The following NRSN1 variants were observed in gnomAD, a reference collection of about 807,000 sequenced individuals.
NRSN1 encodes the protein neurensin-1.
A neutral mutation model predicts 17.3 loss-of-function variants in NRSN1; 14 were observed. That is an observed-to-expected ratio of 0.81 (90% CI 0.54 to 1.27). NRSN1 has a LOEUF of 1.27. Among genes scored for constraint, NRSN1 ranks in the 50% most tolerant of loss-of-function variants. The pLI is 0.00. For missense variants in NRSN1, 209 were observed against 235.9 expected (o/e 0.89, Z 0.75); for synonymous variants, 79 against 94.2 (o/e 0.84, Z 0.93).
intron 2 of NRSN1, chr6:24,129,508 T>C (rs1007129500): frequency 2.6e-5 from 4 of 152,188 alleles, no homozygotes; most frequent in Non-Finnish European, 5.9e-5. Context: ...TATCAGACCA[T>C]AAGTAAATAA....
chr6:24,128,973 G>A (rs905919924), intron 2 of NRSN1: 1 of 152,012 alleles, frequency 6.6e-6, no homozygotes, highest in Non-Finnish European at 1.5e-5. Flanking sequence ...AGTTTCATGA[G>A]GCATAAAGAT....
rs1260351517 is a variant in NRSN1, at chr6:24,138,197, TAC to T, written c.189+3685_189+3686del. Among the ~76,000 whole-genome samples, 5 of 152,122 alleles carry T rather than the reference TAC, an allele frequency of 3.3e-5. No homozygotes were observed. The South Asian group carries it at 6.2e-4, about 19-fold the overall frequency. On this transcript the variant is annotated intron_variant, in intron 3 of 3. Coordinates refer to ENST00000378491, the MANE Select transcript of NRSN1 (RefSeq NM_080723.5). The stretch of plus-strand genomic sequence containing the variant: ...ACACACACACGCACAAACACACACA[TAC>T]ACAGAGTGCCGCACACTTTCTCTGT...
intron 3 of NRSN1, among the ~76,000 whole-genome samples, chr6:24,143,193 C>A (rs1385972844): frequency 6.6e-6 from 1 of 152,126 alleles, no homozygotes; most frequent in Non-Finnish European, 1.5e-5. Flanking sequence ...CCCAGAAGCC[C>A]AGCCGGCTTC....
At chr6:24,141,894 A>T (rs1760209763) in intron 3 of NRSN1, among the ~76,000 whole-genome samples, 1 of 152,172 alleles carries the variant, frequency 6.6e-6, no homozygotes, top group East Asian at 1.9e-4. Context: ...GCTCTTCAGA[A>T]TCTCAGAAAC....
chr6:24,145,923 G>C lies in NRSN1; in HGVS notation c.565G>C (p.Val189Leu), dbSNP rs998185274. Residue 189 changes from valine (V) to leucine (L), a missense_variant, in exon 4 of 4, where the codon GTC becomes CTC. Transcript: ENST00000378491. This position sits in a 1 kb window ranked among gnomAD's most constrained non-coding sequence, Gnocchi z 4.4. ...IPVTLSRVQNVQPLLAT is the reference protein window; with the variant it reads ...IPVTLSRVQNLQPLLAT ...AGTCACTTTGTCCAGGGTTCAAAATGTCCAGCCTCTACTGGCAACCTGAAA... is the reference window on the plus strand; with the variant it reads ...AGTCACTTTGTCCAGGGTTCAAAATCTCCAGCCTCTACTGGCAACCTGAAA... 9.3e-6 allele frequency: 15 copies of C among 1,610,526 alleles called. No individual in the cohort carries two copies. The highest frequency in any genetic ancestry group is 1.7e-6 in the Non-Finnish European group (2 of 1,178,804).
intron 3 of NRSN1, among the ~76,000 whole-genome samples, chr6:24,144,483 G>A (rs1166942386): frequency 6.6e-6 from 1 of 152,154 alleles, no homozygotes; most frequent in East Asian, 1.9e-4. Context: ...ATTATAGGAT[G>A]TGGGCTCTGG....
At chr6:24,141,043 T>C in intron 3 of NRSN1, 4 of 1,475,602 alleles carry the variant, frequency 2.7e-6, no homozygotes, top group South Asian at 1.4e-5. Context: ...CCCTTCTCTG[T>C]CGCCATTGGG....
At chr6:24,132,912 GGA>G (rs1760058832) in intron 2 of NRSN1, among the ~76,000 whole-genome samples, 2 of 152,096 alleles carry the variant, frequency 1.3e-5, no homozygotes, top group Non-Finnish European at 2.9e-5. Context: ...TCTGTGTACA[GGA>G]TAATTTAAAA....
rs181543223 is a variant in NRSN1, at chr6:24,132,096, T to G, written c.-9-2223T>G. On this transcript the variant is annotated intron_variant, in intron 2 of 3. Coordinates refer to ENST00000378491, the MANE Select transcript of NRSN1 (RefSeq NM_080723.5). ...TTTAATTGACCAACAGCTAAAAAGA[T>G]GAGGTTATTGGTCATCATTAATAGC... Among the ~76,000 whole-genome samples the G allele has an allele frequency of 2.0e-5, 3 of 152,334 alleles. No homozygotes were observed. The East Asian group carries it at 5.8e-4, about 29-fold the overall frequency.
chr6:24,139,543 G>A (rs1399535876), intron 3 of NRSN1, among the ~76,000 whole-genome samples: 4 of 152,196 alleles, frequency 2.6e-5, no homozygotes, highest in Non-Finnish European at 1.5e-5. Context: ...GGAAGGAAGT[G>A]GCAGAGCACC....
intron 3 of NRSN1, among the ~76,000 whole-genome samples, chr6:24,142,191 C>A (rs976609377): frequency 2.2e-5 from 1 of 44,446 alleles, no homozygotes; most frequent in African/African-American, 7.5e-5. Flanking sequence ...TACAGAACAG[C>A]TTTTTTTTTT....
At chr6:24,134,153 T>C (rs1443012054) in intron 2 of NRSN1, among the ~76,000 whole-genome samples, 166 bp from the exon 3 acceptor site, 2 of 152,166 alleles carry the variant, frequency 1.3e-5, no homozygotes, top group Non-Finnish European at 2.9e-5. Flanking sequence ...CGTGAGCCAC[T>C]GCGCCCCGCC....
rs950905857 is a variant in NRSN1, at chr6:24,147,354, C to A, written c.*1408C>A. The A allele has an allele frequency of 6.6e-5, 10 of 150,724 alleles. No individual in the cohort carries two copies. The highest frequency in any genetic ancestry group is 2.2e-4 in the South Asian group (1 of 4,618). The allele number at this position is 150,724 out of a possible 1,614,324, so 9.3% of individuals were successfully genotyped here. A position where few individuals can be genotyped will look rare whatever the true frequency, so the allele number is the denominator to read the frequency against. On this transcript the variant is annotated 3_prime_UTR_variant, in exon 4 of 4. Transcript: ENST00000378491. ...AATTGTGCCACCTTAGAGCCCCCCCCCTTTTTTTTTTCTTCCTTCACTGGA... is the reference window on the plus strand; with the variant it reads ...AATTGTGCCACCTTAGAGCCCCCCCACTTTTTTTTTTCTTCCTTCACTGGA...
At chr6:24,132,757 A>G (rs1483287160) in intron 2 of NRSN1, among the ~76,000 whole-genome samples, 1 of 152,172 alleles carries the variant, frequency 6.6e-6, no homozygotes, top group Admixed American at 6.5e-5. Context: ...TACATGTGCC[A>G]TGGTGATGTG....
At chr6:24,137,975 G>T (rs1273531895) in intron 3 of NRSN1, among the ~76,000 whole-genome samples, 2 of 152,140 alleles carry the variant, frequency 1.3e-5, no homozygotes, top group Non-Finnish European at 2.9e-5. Flanking sequence ...GTTCCCTGTG[G>T]CTGGGGTAAA....
chr6:24,136,075 T>C lies in NRSN1; in HGVS notation c.189+1559T>C, dbSNP rs553007625. ...ACATGAGCTCAAACCCCAGCTCTTT[T>C]GTTTAATCATTCTGTAACCCTGGGC... is the stretch of plus-strand genomic sequence containing the variant. On this transcript the variant is annotated intron_variant, in intron 3 of 3. Coordinates refer to ENST00000378491, the MANE Select transcript of NRSN1 (RefSeq NM_080723.5). Among the ~76,000 whole-genome samples the C allele has an allele frequency of 2.6e-5, 4 of 152,340 alleles. No individual in the cohort carries two copies. In the East Asian group the frequency reaches 5.8e-4, roughly 22 times the overall value.
intron 3 of NRSN1, among the ~76,000 whole-genome samples, chr6:24,140,721 G>T (rs1043672132): frequency 2.6e-5 from 4 of 152,136 alleles, no homozygotes; most frequent in Non-Finnish European, 4.4e-5. Flanking sequence ...TTCCTGCCTC[G>T]TCTCTGCCAG....
At position 24,134,484 on chromosome 6, in the gene NRSN1, T is replaced by C; in HGVS notation, c.157T>C (p.Ser53Pro). ...EYEDDFQIQR[S>P]PNRWSSVFWK... Reference sequence around the variant, plus strand: ...TGAGGATGATTTCCAGATCCAAAGATCACCTAACAGGTGGAGCTCAGTATT... The same window carrying C: ...TGAGGATGATTTCCAGATCCAAAGACCACCTAACAGGTGGAGCTCAGTATT... Residue 53 changes from serine (S) to proline (P), a missense_variant, in exon 3 of 4, where the codon TCA (serine) becomes CCA (proline). Ser to Pro is a moderately conservative substitution (Grantham distance 74). Coordinates refer to ENST00000378491, the MANE Select transcript of NRSN1 (RefSeq NM_080723.5). 2 of 1,614,134 alleles carry C rather than the reference T, an allele frequency of 1.2e-6. No individual in the cohort carries two copies. Among genetic ancestry groups the C allele is most frequent in the Non-Finnish European group, 1.7e-6 (2 of 1,180,014 alleles).
chr6:24,140,941 C>T lies in NRSN1; in HGVS notation c.190-4607C>T, dbSNP rs1482567923. On this transcript the variant is annotated intron_variant, in intron 3 of 3. Coordinates refer to ENST00000378491, the MANE Select transcript of NRSN1 (RefSeq NM_080723.5). ...TCCAGCAGCAGGAACTGGGTTTTCA[C>T]ACATCCTCCCACAGCCAAGAGTGGA... 7 of 1,327,058 alleles carry T rather than the reference C, an allele frequency of 5.3e-6. No individual in the cohort carries two copies. The Admixed American group carries it at 1.8e-4, about 35-fold the overall frequency. The allele number at this position is 1,327,058 out of a possible 1,614,324, so 82.2% of individuals were successfully genotyped here.
Sources: gnomAD v4.1 joint callset for allele counts (sites outside exome capture counted in the v4.1 genomes callset) on GRCh38, gnomAD v4.1.1 for gene constraint, Gnocchi (gnomAD v3.1) non-coding constraint, MANE v1.5 for transcripts, NCBI Gene and HGNC (gene_info 2026-07-23, HGNC 2026-07-21) for gene names.